The following HPSE2 variants were observed in gnomAD, a reference collection of about 807,000 sequenced individuals.
HPSE2 encodes the protein inactive heparanase-2.
In HPSE2, 38 loss-of-function variants were observed where a neutral mutation model predicts 60.5. That is an observed-to-expected ratio of 0.63 (90% confidence interval 0.48 to 0.82). HPSE2 has a LOEUF of 0.82. Ranked by LOEUF, HPSE2 falls within the 40% of genes least tolerant of loss-of-function variation. HPSE2 has a pLI of 0.00. For synonymous variants in HPSE2, 295 were observed against 293.2 expected (o/e 1.01, Z -0.06); for missense variants, 713 against 740.4 (o/e 0.96, Z 0.43).
At chr10:98,479,222 G>A (rs183485034) in intron 11 of HPSE2, among the ~76,000 whole-genome samples, 183 of 152,204 alleles carry the variant, frequency 1.2e-3, no homozygotes, top group African/African-American at 4.1e-3. Flanking sequence ...GAATTGGGGC[G>A]GGGGGCACTG....
At chr10:99,238,700 G>T (rs1849905776), upstream of HPSE2, among the ~76,000 whole-genome samples, 1 of 152,154 alleles carries the variant, frequency 6.6e-6, no homozygotes, top group African/African-American at 2.4e-5. Flanking sequence ...CATGGTTTTT[G>T]TCTTGCCTCT....
the HPSE2 span, among the ~76,000 whole-genome samples, chr10:99,282,708 G>A: frequency 5.9e-5 from 9 of 152,132 alleles, no homozygotes; most frequent in East Asian, 1.7e-3. Context: ...AAGGAAAACT[G>A]GAAAATTCAC....
chr10:98,546,880 G>C (rs1220393502), intron 9 of HPSE2, among the ~76,000 whole-genome samples: 1 of 148,846 alleles, frequency 6.7e-6, no homozygotes, highest in Non-Finnish European at 1.5e-5. Context: ...CTACAGAATG[G>C]GAGAAAATTT....
At chr10:99,121,706 T>C (rs1026310255) in intron 3 of HPSE2, among the ~76,000 whole-genome samples, 2 of 152,144 alleles carry the variant, frequency 1.3e-5, no homozygotes, top group South Asian at 2.1e-4. Context: ...CTGTGTAGTG[T>C]TGGGATAAGT....
At chr10:98,885,064 A>G (rs1953127963) in intron 3 of HPSE2, among the ~76,000 whole-genome samples, 1 of 152,210 alleles carries the variant, frequency 6.6e-6, no homozygotes, top group South Asian at 2.1e-4. Flanking sequence ...AATATTTGTG[A>G]TTCATGGGAG....
At position 98,917,900 on chromosome 10, in the gene HPSE2, C is replaced by T. The variant is rs371405385; in HGVS notation, c.611-173844G>A. Among the ~76,000 whole-genome samples the T allele has an allele frequency of 2.4e-4, 36 of 152,282 alleles. No homozygotes were observed. In the East Asian group the frequency reaches 6.6e-3, roughly 28 times the overall value. ...AATGAAGAGCCAGCATACATCATTA[C>T]AGTTTTCTACAGATACAACACAGTA... On this transcript the variant is annotated intron_variant, in intron 3 of 11. Coordinates refer to ENST00000370552, the MANE Select transcript of HPSE2 (RefSeq NM_021828.5).
At position 98,641,371 on chromosome 10, in the gene HPSE2, G is replaced by A. The variant is rs184690210; in HGVS notation, c.1098+476C>T. 2.4e-3 allele frequency among the ~76,000 whole-genome samples: 372 copies of A among 152,214 alleles called. 5 individuals carry two copies. The highest frequency in any genetic ancestry group is 1.1e-3 in the Non-Finnish European group (78 of 68,012). On this transcript the variant is annotated intron_variant, in intron 7 of 11. Transcript: ENST00000370552. Reference sequence around the variant, plus strand: ...AGAGGCTGAGGTGGGTGGATCACTCGAGGTCAGGAATTCAAGACCAGCTTG... The same window carrying A: ...AGAGGCTGAGGTGGGTGGATCACTCAAGGTCAGGAATTCAAGACCAGCTTG...
intron 3 of HPSE2, among the ~76,000 whole-genome samples, chr10:98,917,620 C>G (rs1439873700): frequency 1.3e-5 from 2 of 152,184 alleles, no homozygotes; most frequent in Non-Finnish European, 2.9e-5. Context: ...ACATTTAAGT[C>G]ACCCAGTTTG....
At chr10:99,285,671 G>A in the HPSE2 span, among the ~76,000 whole-genome samples, 2 of 152,216 alleles carry the variant, frequency 1.3e-5, no homozygotes, top group Admixed American at 6.5e-5. Context: ...GCTCACACCT[G>A]TAATCCCAGC....
At chr10:98,614,713 G>T (rs1318850573) in intron 9 of HPSE2, among the ~76,000 whole-genome samples, 191 bp downstream of exon 9, 4 of 152,128 alleles carry the variant, frequency 2.6e-5, no homozygotes, top group African/African-American at 7.2e-5. Flanking sequence ...GTGTGTGTGT[G>T]TGTGTGTGTG....
chr10:98,761,017 T>A (rs2134386509), intron 3 of HPSE2, among the ~76,000 whole-genome samples: 1 of 152,242 alleles, frequency 6.6e-6, no homozygotes, highest in East Asian at 1.9e-4. Context: ...TCAGGTTTTC[T>A]ATTTGTTTAT....
At chr10:98,708,691 T>C (rs1948606720) in intron 5 of HPSE2, among the ~76,000 whole-genome samples, 1 of 152,134 alleles carries the variant, frequency 6.6e-6, no homozygotes, top group East Asian at 1.9e-4. Flanking sequence ...TACACTTAGT[T>C]TGAGGAGGAA....
intron 3 of HPSE2, among the ~76,000 whole-genome samples, chr10:98,813,097 T>C (rs571257471): frequency 6.6e-6 from 1 of 152,252 alleles, no homozygotes; most frequent in South Asian, 2.1e-4. Context: ...CCCAATTCTA[T>C]TTACTTCTTC....
At chr10:98,922,619 A>G (rs1412197467) in intron 3 of HPSE2, among the ~76,000 whole-genome samples, 1 of 152,210 alleles carries the variant, frequency 6.6e-6, no homozygotes, top group Non-Finnish European at 1.5e-5. Flanking sequence ...TGGTGAAGGT[A>G]TCCAGCTTTC....
At chr10:98,605,276 C>T (rs1167483132) in intron 9 of HPSE2, among the ~76,000 whole-genome samples, 1 of 152,148 alleles carries the variant, frequency 6.6e-6, no homozygotes, top group African/African-American at 2.4e-5. Flanking sequence ...GTGAACAAGA[C>T]AGAATTTAAC....
At chr10:98,719,283 T>C (rs1205839311) in intron 5 of HPSE2, among the ~76,000 whole-genome samples, 2 of 152,020 alleles carry the variant, frequency 1.3e-5, no homozygotes, top group African/African-American at 4.8e-5. Context: ...ACAAATGGGG[T>C]CCTGACCCTA....
At chr10:98,843,744 C>T (rs1480697989) in intron 3 of HPSE2, among the ~76,000 whole-genome samples, 1 of 152,252 alleles carries the variant, frequency 6.6e-6, no homozygotes, top group Admixed American at 6.5e-5. Flanking sequence ...CTCTAAATGG[C>T]TCTATTTGTG....
chr10:98,590,633 T>A (rs1945064737), intron 9 of HPSE2, among the ~76,000 whole-genome samples: 2 of 152,328 alleles, frequency 1.3e-5, no homozygotes, highest in Non-Finnish European at 2.9e-5. Context: ...TACAGAAACA[T>A]GCAGTAAATT....
chr10:99,117,510 A>T (rs1421331953), intron 3 of HPSE2, among the ~76,000 whole-genome samples: 1 of 150,956 alleles, frequency 6.6e-6, no homozygotes, highest in Non-Finnish European at 1.5e-5. Context: ...CCAAATAAAC[A>T]TCGTCAGAAA....
Sources: gnomAD v4.1 joint callset for allele counts (sites outside exome capture counted in the v4.1 genomes callset) on GRCh38, gnomAD v4.1.1 for gene constraint, MANE v1.5 for transcripts, NCBI Gene and HGNC (gene_info 2026-07-23, HGNC 2026-07-21) for gene names.